The following TYW1 variants were observed in gnomAD, a reference collection of about 807,000 sequenced individuals.
TYW1 encodes tRNA-yW synthesizing protein 1 homolog, also known as S-adenosyl-L-methionine-dependent tRNA 4-demethylwyosine synthase TYW1.
Under a neutral mutation model 96.2 loss-of-function variants are expected in TYW1, and 46 were observed. The ratio of observed to expected loss-of-function variants is 0.48; its 90% confidence interval spans 0.38 to 0.61. The LOEUF (loss-of-function observed/expected upper bound fraction) is 0.61. TYW1 is among the 20% of genes least tolerant of loss of function. TYW1 has a pLI of 0.00. For missense variants in TYW1, 684 were observed against 909.6 expected, an observed-to-expected ratio of 0.75 and a Z score of 3.19; for synonymous variants, 274 against 323.0, an observed-to-expected ratio of 0.85 and a Z score of 1.63.
At chr7:67,203,889 G>T (rs13241738) in intron 15 of TYW1, among the ~76,000 whole-genome samples, 1 of 151,774 alleles carries the variant, frequency 6.6e-6, no homozygotes, top group Non-Finnish European at 1.5e-5. Flanking sequence ...CCTGAAGGAT[G>T]TTTTTGGCAG....
intron 13 of TYW1, among the ~76,000 whole-genome samples, chr7:67,130,343 T>A (rs1435546908): frequency 1.3e-5 from 2 of 151,290 alleles, no homozygotes; most frequent in Non-Finnish European, 2.9e-5. Flanking sequence ...ATTGTGTCAC[T>A]GCACTTCAGC....
intron 13 of TYW1, among the ~76,000 whole-genome samples, chr7:67,171,784 T>G (rs1692574654): frequency 6.6e-6 from 1 of 152,150 alleles, no homozygotes; most frequent in African/African-American, 2.4e-5. Flanking sequence ...AACACTAGTT[T>G]TTTTTATGGT....
At chr7:67,130,548 C>T (rs1243869354) in intron 13 of TYW1, among the ~76,000 whole-genome samples, 3 of 151,600 alleles carry the variant, frequency 2.0e-5, no homozygotes, top group Non-Finnish European at 2.9e-5. Flanking sequence ...TGGTGGGTCC[C>T]AGCTACTCGG....
At chr7:67,073,326 T>C (rs1796092412) in intron 10 of TYW1, among the ~76,000 whole-genome samples, 1 of 152,142 alleles carries the variant, frequency 6.6e-6, no homozygotes, top group Non-Finnish European at 1.5e-5. Flanking sequence ...GGGACGTTGC[T>C]AAGCATTCCC....
chr7:67,144,881 C>T (rs751469255), intron 13 of TYW1, among the ~76,000 whole-genome samples: 5 of 151,828 alleles, frequency 3.3e-5, no homozygotes, highest in Non-Finnish European at 7.4e-5. Context: ...AAAACTAATA[C>T]AGCATTTTAA....
intron 11 of TYW1, among the ~76,000 whole-genome samples, chr7:67,097,344 C>G (rs1489331757): frequency 6.6e-6 from 1 of 152,310 alleles, no homozygotes; most frequent in South Asian, 2.1e-4. Context: ...ACTTATTGCC[C>G]AGCCTTGCAC....
intron 13 of TYW1, among the ~76,000 whole-genome samples, chr7:67,176,795 A>G (rs71563181): frequency 0.28 from 42,459 of 151,678 alleles, 6,455 homozygotes; most frequent in African/African-American, 0.4. Flanking sequence ...ATTTTTCAAC[A>G]TTGGCACCAT....
chr7:67,204,517 CCTT>C (rs758463487), intron 15 of TYW1, among the ~76,000 whole-genome samples: 11 of 141,970 alleles, frequency 7.7e-5, no homozygotes, highest in African/African-American at 2.0e-4. Context: ...TTTTTATTTT[CCTT>C]CTTCTTCTTC....
intron 13 of TYW1, among the ~76,000 whole-genome samples, chr7:67,150,605 A>G (rs1165292993): frequency 1.3e-5 from 2 of 152,248 alleles, no homozygotes; most frequent in African/African-American, 4.8e-5. Flanking sequence ...ATAATGTTGA[A>G]TAGAGAATAT....
At chr7:67,031,977 A>C (rs1378075634) in intron 7 of TYW1, among the ~76,000 whole-genome samples, 1 of 152,146 alleles carries the variant, frequency 6.6e-6, no homozygotes, top group Non-Finnish European at 1.5e-5. Flanking sequence ...GAATCTCATC[A>C]TGGGGAAACA....
chr7:67,229,344 C>T (rs1328788444), intron 15 of TYW1, among the ~76,000 whole-genome samples: 3 of 151,954 alleles, frequency 2.0e-5, no homozygotes, highest in Non-Finnish European at 4.4e-5. Flanking sequence ...TTGAGACCAG[C>T]CAGGCCAACG....
At chr7:67,013,739 C>CTTTT (rs931500833) in intron 4 of TYW1, among the ~76,000 whole-genome samples, 56 of 97,532 alleles carry the variant, frequency 5.7e-4, no homozygotes, top group East Asian at 3.9e-3. Flanking sequence ...GCATTTTTTC[C>CTTTT]TTTTTTTTTT....
At chr7:67,002,523 T>C (rs776875197) in intron 3 of TYW1, among the ~76,000 whole-genome samples, 1 of 152,234 alleles carries the variant, frequency 6.6e-6, no homozygotes, top group African/African-American at 2.4e-5. Flanking sequence ...AGAAAGCGAA[T>C]TTGTAGATGA....
intron 7 of TYW1, among the ~76,000 whole-genome samples, chr7:67,040,115 C>T (rs1417123606): frequency 3.3e-5 from 5 of 152,088 alleles, no homozygotes; most frequent in Non-Finnish European, 7.4e-5. Context: ...TGCCACCATG[C>T]CTGCCTAATT....
chr7:67,150,194 G>A (rs1461077907), intron 13 of TYW1, among the ~76,000 whole-genome samples: 1 of 152,094 alleles, frequency 6.6e-6, no homozygotes, highest in Non-Finnish European at 1.5e-5. Context: ...CCATTTTCTG[G>A]GTGTGGTAGG....
intron 3 of TYW1, among the ~76,000 whole-genome samples, chr7:67,008,596 T>TC (rs1793681901): frequency 6.6e-6 from 1 of 152,242 alleles, no homozygotes; most frequent in South Asian, 2.1e-4. Flanking sequence ...TCCCTAGGAC[T>TC]TTTTCCTGTC....
intron 10 of TYW1, among the ~76,000 whole-genome samples, chr7:67,081,547 G>T (rs1388903691): frequency 1.3e-5 from 2 of 150,556 alleles, no homozygotes; most frequent in Admixed American, 1.3e-4. Flanking sequence ...ACTTTTCCAT[G>T]CCTTTTCCCA....
chr7:67,189,445 A>G (rs1584674645), intron 14 of TYW1, among the ~76,000 whole-genome samples: 1 of 148,172 alleles, frequency 6.7e-6, no homozygotes, highest in Non-Finnish European at 1.5e-5. Flanking sequence ...ATGTGTATGT[A>G]TGTGTGTGTG....
At chr7:67,202,521 C>G (rs1050688894) in intron 15 of TYW1, among the ~76,000 whole-genome samples, 1 of 152,100 alleles carries the variant, frequency 6.6e-6, no homozygotes, top group Non-Finnish European at 1.5e-5. Flanking sequence ...TTAAGCCTCT[C>G]GAGTAGCTGG....
Sources: allele counts gnomAD v4.1 joint callset (sites outside exome capture counted in the v4.1 genomes callset), GRCh38; gene constraint gnomAD v4.1.1; transcripts MANE v1.5; gene names NCBI Gene and HGNC (gene_info 2026-07-23, HGNC 2026-07-21).